Variants in PLCB2 observed in about 807,000 individuals in gnomAD.
The protein encoded by PLCB2 is 1-phosphatidylinositol 4,5-bisphosphate phosphodiesterase beta-2.
In PLCB2, 115 loss-of-function variants were observed where a neutral mutation model predicts 141.7. The observed-to-expected ratio is 0.81, with a 90% CI of 0.70 to 0.95. The LOEUF (loss-of-function observed/expected upper bound fraction) is 0.95. PLCB2 is among the 40% of genes least tolerant of loss of function. The pLI is 0.00. For missense variants in PLCB2, 1,403 were observed against 1,541.1 expected (o/e 0.91, Z 1.50); for synonymous variants, 603 against 595.6 (o/e 1.01, Z -0.18).
At position 40,306,082 on chromosome 15, in the gene PLCB2, CA is replaced by C. The variant is rs11332037; in HGVS notation, c.84+1506del. ...GCCTTGCAGAGTTTCTTTCCATGGC[CA>C]GGGGGAGAGCTTCTCCTACCAAATA... On this transcript the variant is annotated intron_variant, in intron 1 of 31. Transcript: ENST00000260402. Among the ~76,000 whole-genome samples, 1,336 of 152,246 alleles carry C rather than the reference CA, an allele frequency of 8.8e-3. 11 individuals carry two copies. The highest frequency in any genetic ancestry group is 0.042 in the South Asian group (202 of 4,830).
intron 6 of PLCB2, 28 bp downstream of exon 6, chr15:40,302,108 A>G (rs2040540635): frequency 6.2e-7 from 1 of 1,612,648 alleles, no homozygotes; most frequent in South Asian, 1.1e-5. Flanking sequence ...GAGCCCCTGG[A>G]AGCCTGGGGA....
At chr15:40,285,446 G>A (rs139432667), downstream of PLCB2, 14 of 786,386 alleles carry the variant, frequency 1.8e-5, no homozygotes, top group Middle Eastern at 6.6e-4. Flanking sequence ...AAGTTAGAAA[G>A]TGTCAGGGAA....
At position 40,294,646 on chromosome 15, in the gene PLCB2, A is replaced by C. The variant is rs8024340; in HGVS notation, c.1907-226T>G. 1 allele frequency among the ~76,000 whole-genome samples: 151,801 copies of C among 152,340 alleles called. 75,635 individuals are homozygous for C. Among genetic ancestry groups the C allele is most frequent in the Middle Eastern group, 1 (294 of 294 alleles). ...AGGAAAGCCACAGCCAGGCTGAGGG[A>C]CTGTGGTGGGAGCTGGGGCAGCTGG... On this transcript the variant is annotated intron_variant, in intron 18 of 31. Transcript: ENST00000260402.
Position 40,290,018 on chromosome 15 carries a change from T to C in PLCB2, c.3267+7A>G, listed in dbSNP as rs757195508. ...GTGTGTTTAGGAAGGACACAGCCCT[T>C]ACACACCTGCTTGATCACCTGCACT... On this transcript the variant is annotated splice_region_variant and intron_variant, in intron 30 of 31. Transcript: ENST00000260402. 6.2e-6 allele frequency: 9 copies of C among 1,445,112 alleles called. No homozygotes were observed. Among genetic ancestry groups the C allele is most frequent in the African/African-American group, 4.3e-5 (3 of 70,274 alleles). 89.5% of individuals were successfully genotyped at this position (1,445,112 alleles called of 1,614,324 possible).
At chr15:40,301,265 G>T in intron 7 of PLCB2, 1 of 412,248 alleles carries the variant, frequency 2.4e-6, no homozygotes, top group Non-Finnish European at 4.4e-6. Flanking sequence ...TACTCCATGG[G>T]GTATAGGCTG....
intron 2 of PLCB2, 136 bp from the exon 3 acceptor site, chr15:40,303,492 G>A: frequency 3.0e-6 from 2 of 657,650 alleles, no homozygotes; most frequent in East Asian, 2.7e-5. Context: ...CTAGATGCCA[G>A]GCTGCCCAGG....
At position 40,296,741 on chromosome 15, in the gene PLCB2, C is replaced by A. The variant is rs1357531797; in HGVS notation, c.1486+5G>T. The A allele has an allele frequency of 1.2e-6, 2 of 1,611,766 alleles. No homozygotes were observed. The highest frequency in any genetic ancestry group is 4.5e-5 in the East Asian group (2 of 44,844). ...TACCCCCCACCATAGTCCTCCCCGA[C>A]TCACCTGTGCCCTCACCTGCAGGGG... On this transcript the variant is annotated splice_donor_5th_base_variant and intron_variant, in intron 14 of 31. Coordinates refer to ENST00000260402, the MANE Select transcript of PLCB2 (RefSeq NM_004573.3).
chr15:40,296,597 C>T lies in PLCB2; in HGVS notation c.1524G>A (p.Glu508=), dbSNP rs1252837462. The change falls in exon 15 of 32, where the codon GAG becomes GAA. Residue 508 remains glutamate (E), a synonymous_variant. Coordinates refer to ENST00000260402, the MANE Select transcript of PLCB2 (RefSeq NM_004573.3). ...CCTCCTCCTCTTCCTCTTCCACCTC[C>T]TCCTCCTCCAGCTCAGTCCCTTCCT... is the stretch of plus-strand genomic sequence containing the variant. The part of the protein sequence containing the change: ...AGEEGTELEE[E]EVEEEEEEES... 1.2e-6 allele frequency: 2 copies of T among 1,613,436 alleles called. No individual in the cohort carries two copies. Among genetic ancestry groups the T allele is most frequent in the Non-Finnish European group, 8.5e-7 (1 of 1,179,634 alleles).
At chr15:40,304,149 T>G in intron 1 of PLCB2, 71 bp from the exon 2 acceptor site, 3 of 1,025,790 alleles carry the variant, frequency 2.9e-6, no homozygotes, top group Non-Finnish European at 4.5e-6. Flanking sequence ...GGCCAGGGGT[T>G]TCAGAGCTCA....
Position 40,288,434 on chromosome 15 carries a change from T to G in PLCB2, c.*281A>C. The G allele has an allele frequency of 1.7e-6, 2 of 1,186,138 alleles. No homozygotes were observed. Among genetic ancestry groups the G allele is most frequent in the Non-Finnish European group, 2.1e-6 (2 of 956,768 alleles). The allele number at this position is 1,186,138 out of a possible 1,614,324, so 73.5% of individuals were successfully genotyped here. On this transcript the variant is annotated 3_prime_UTR_variant, in exon 32 of 32. Coordinates refer to ENST00000260402, the MANE Select transcript of PLCB2 (RefSeq NM_004573.3). ...ACTTTCTGCCTTCCAGTCCATAGTC[T>G]TTTGCCCTCAACAAATATATGACAC...
At chr15:40,289,427 AATCC>A in intron 30 of PLCB2, 69 bp from the exon 31 acceptor site, 1 of 1,145,206 alleles carries the variant, frequency 8.7e-7, no homozygotes, top group Non-Finnish European at 1.3e-6. Flanking sequence ...ATCCAGCTGT[AATCC>A]CAGCTAACTA....
In PLCB2 at chr15:40,288,591, T is replaced by C; in HGVS notation, c.*124A>G. 7.0e-7 allele frequency: 1 copy of C among 1,418,974 alleles called. No homozygotes were observed. Among genetic ancestry groups the C allele is most frequent in the Non-Finnish European group, 9.2e-7 (1 of 1,088,944 alleles). The allele number at this position is 1,418,974 out of a possible 1,614,324, so 87.9% of individuals were successfully genotyped here. On this transcript the variant is annotated 3_prime_UTR_variant, in exon 32 of 32. Coordinates refer to ENST00000260402, the MANE Select transcript of PLCB2 (RefSeq NM_004573.3). ...GGCCGTTGAGGAGGGGGCTGCAGCG[T>C]CCAAGGCAGCCACAGGTTCCCACAG...
chr15:40,291,584 C>T, intron 25 of PLCB2, 22 bp downstream of exon 25: 1 of 1,613,038 alleles, frequency 6.2e-7, no homozygotes, highest in Non-Finnish European at 8.5e-7. Context: ...TCCCCGAGAT[C>T]ACCGGGCTCA....
rs747437410 is a variant in PLCB2 at position 40,293,731 on chromosome 15, G to A, written c.2062-7C>T. 1.2e-6 allele frequency: 2 copies of A among 1,602,680 alleles called. No individual in the cohort carries two copies. The highest frequency in any genetic ancestry group is 4.5e-5 in the East Asian group (2 of 44,554). On this transcript the variant is annotated splice_region_variant and splice_polypyrimidine_tract_variant and intron_variant, in intron 19 of 31. Transcript: ENST00000260402. ...GGAACTGCCCAGAGATCACCTGGGGGTAGGGGCCCAGGAAAACCAGCATCA... is the reference window on the plus strand; with the variant it reads ...GGAACTGCCCAGAGATCACCTGGGGATAGGGGCCCAGGAAAACCAGCATCA...
intron 1 of PLCB2, among the ~76,000 whole-genome samples, chr15:40,306,145 G>A (rs905095783): frequency 3.3e-5 from 5 of 152,132 alleles, no homozygotes; most frequent in Admixed American, 6.5e-5. Flanking sequence ...AATAAAGTTG[G>A]GATTTGCTTA....
At chr15:40,287,820 T>C, downstream of PLCB2, 1 of 598,626 alleles carries the variant, frequency 1.7e-6, no homozygotes, top group Non-Finnish European at 2.1e-6. Flanking sequence ...AGAGATTTTT[T>C]TTTCCCCAGC....
chr15:40,303,328 A>C lies in PLCB2; in HGVS notation c.191T>G (p.Ile64Ser), dbSNP rs1422893406. The change falls in exon 3 of 32, where the codon ATC (isoleucine) becomes AGC (serine). Residue 64 changes from isoleucine (I) to serine (S), a missense_variant. This residue lies in a region of PLCB2 where 975 missense variants were observed against 1,141.1 expected (regional missense o/e 0.85). Transcript: ENST00000260402. ...AAACTTCCCAAAGCGAGTATCCCGG[A>C]TGCTGGTGATATCCAGAAACTCCAT... Reference protein sequence around the residue: ...KEMEFLDITSIRDTRFGKFAK... With the variant: ...KEMEFLDITSSRDTRFGKFAK... The C allele has an allele frequency of 1.2e-6, 2 of 1,613,650 alleles. No homozygotes were observed. The highest frequency in any genetic ancestry group is 2.2e-5 in the East Asian group (1 of 44,870).
chr15:40,291,069 G>A lies in PLCB2; in HGVS notation c.2985C>T (p.Gly995=). The A allele has an allele frequency of 1.3e-6, 2 of 1,589,428 alleles. No individual in the cohort carries two copies. Among genetic ancestry groups the A allele is most frequent in the Non-Finnish European group, 1.7e-6 (2 of 1,175,820 alleles). The stretch of plus-strand genomic sequence containing the variant: ...TCAGAACGCACTCGTACTGCTCCTC[G>A]CCCTGCCGCAGCAGCTCCAGCTCCA... ...DRLELELLRQ[G]EEQYECVLKR... Residue 995 remains glycine (G), a synonymous_variant, in exon 27 of 32, where the codon GGC becomes GGT. Coordinates refer to ENST00000260402, the MANE Select transcript of PLCB2 (RefSeq NM_004573.3).
Position 40,306,814 on chromosome 15 carries a change from C to T in PLCB2, c.84+775G>A, listed in dbSNP as rs151171187. 6.6e-3 allele frequency among the ~76,000 whole-genome samples: 1,000 copies of T among 152,324 alleles called. 17 individuals carry two copies. Among genetic ancestry groups the T allele is most frequent in the African/African-American group, 0.023 (959 of 41,552 alleles). On this transcript the variant is annotated intron_variant, in intron 1 of 31. Transcript: ENST00000260402. Reference sequence around the variant, plus strand: ...CAGACTGGGCGAGCCCAGCAGCCTCCCCTCCCTGAAGGAGAATCTCCATAT... The same window carrying T: ...CAGACTGGGCGAGCCCAGCAGCCTCTCCTCCCTGAAGGAGAATCTCCATAT...
Sources: allele counts gnomAD v4.1 joint callset (sites outside exome capture counted in the v4.1 genomes callset), GRCh38; gene constraint gnomAD v4.1.1; regional missense constraint gnomAD v4.1.1; transcripts MANE v1.5; gene names NCBI Gene and HGNC (gene_info 2026-07-23, HGNC 2026-07-21).